DRC1: variants seen among roughly 807,000 people sequenced by gnomAD.
DRC1 encodes dynein regulatory complex protein 1.
In DRC1, 74 loss-of-function variants were observed where a neutral mutation model predicts 98.7. The observed-to-expected ratio is 0.75, with a 90% CI of 0.62 to 0.91. The LOEUF is 0.91. DRC1 is among the 40% of genes least tolerant of loss of function. The pLI is 0.00. For synonymous variants in DRC1, 336 were observed against 334.1 expected, an observed-to-expected ratio of 1.01 and a Z score of -0.06; for missense variants, 875 against 886.0, an observed-to-expected ratio of 0.99 and a Z score of 0.16.
chr2:26,429,649 C>T lies in DRC1; in HGVS notation c.562C>T (p.Gln188Ter), dbSNP rs777433897. Residue 188 changes from glutamine to a stop codon, truncating the protein, a stop_gained, in exon 5 of 17, where the codon CAG becomes TAG. Coordinates refer to ENST00000288710, the MANE Select transcript of DRC1 (RefSeq NM_145038.5). LOFTEE classifies it high-confidence loss of function. ...LQQELKTKDD[Q>*]YVKDLKKQSD... Reference sequence around the variant, plus strand: ...CTAGGAGTTAAAAACAAAGGATGACCAGTATGTGAAGGATTTGAAGAAACA... The same window carrying T: ...CTAGGAGTTAAAAACAAAGGATGACTAGTATGTGAAGGATTTGAAGAAACA... 3.7e-6 allele frequency: 6 copies of T among 1,613,948 alleles called. No homozygotes were observed. Among genetic ancestry groups the T allele is most frequent in the Non-Finnish European group, 5.1e-6 (6 of 1,179,972 alleles).
At chr2:26,446,542 A>C (rs1465205856) in intron 10 of DRC1, among the ~76,000 whole-genome samples, 1 of 152,104 alleles carries the variant, frequency 6.6e-6, no homozygotes, top group African/African-American at 2.4e-5. Context: ...ATACCTCCTC[A>C]TCAACAGGAT....
At chr2:26,456,313 G>A (rs1664169615) in intron 16 of DRC1, 148 bp from the exon 17 acceptor site, 1 of 933,236 alleles carries the variant, frequency 1.1e-6, no homozygotes, top group South Asian at 1.6e-5. Flanking sequence ...CAGGGAGGCA[G>A]TCTGTGGGTG....
rs186982230 is a variant in DRC1 at position 26,414,254 on chromosome 2, G to A, written c.156-90G>A. On this transcript the variant is annotated intron_variant, in intron 1 of 16. Transcript: ENST00000288710. The stretch of plus-strand genomic sequence containing the variant: ...GGTCTCCCAAACTGTTGGGATTACA[G>A]GCATGAGCTACTGTGCCAGGCCAAA... 6.3e-4 allele frequency: 840 copies of A among 1,326,676 alleles called. 4 individuals carry two copies. The African/African-American group carries it at 0.011, about 18-fold the overall frequency. 82.2% of individuals were successfully genotyped at this position (1,326,676 alleles called of 1,614,324 possible).
chr2:26,419,760 A>G (rs1459411009), intron 2 of DRC1, among the ~76,000 whole-genome samples: 1 of 152,232 alleles, frequency 6.6e-6, no homozygotes, highest in African/African-American at 2.4e-5. Context: ...TAACCTAAGG[A>G]TACTCGAACT....
intron 8 of DRC1, among the ~76,000 whole-genome samples, 170 bp downstream of exon 8, chr2:26,440,687 T>G (rs1663695971): frequency 6.6e-6 from 1 of 152,132 alleles, no homozygotes; most frequent in Non-Finnish European, 1.5e-5. Flanking sequence ...AAGAAAAGAG[T>G]ACATAGCAAA....
intron 3 of DRC1, among the ~76,000 whole-genome samples, chr2:26,423,121 C>T (rs1267122497): frequency 2.6e-5 from 4 of 151,946 alleles, no homozygotes; most frequent in Admixed American, 6.6e-5. Flanking sequence ...GGAATGGAGT[C>T]GGCAGATTCC....
At chr2:26,437,641 T>G (rs1323710880) in intron 7 of DRC1, among the ~76,000 whole-genome samples, 1 of 152,158 alleles carries the variant, frequency 6.6e-6, no homozygotes, top group Non-Finnish European at 1.5e-5. Flanking sequence ...TAAATTTCCC[T>G]AAGAGTTGTA....
At chr2:26,430,956 A>G (rs929455389) in intron 6 of DRC1, 84 bp downstream of exon 6, 2 of 572,478 alleles carry the variant, frequency 3.5e-6, no homozygotes, top group Admixed American at 5.2e-5. Context: ...GCCTTTTTCT[A>G]TCTTTTTTTT....
rs375365371 is a variant in DRC1 at position 26,450,584 on chromosome 2, C to T, written c.1600-8C>T. ...GTGTTTGAGCAACCATCCTGTTTTT[C>T]GCCCCAGGCCCTTGGAATTGAAAGT... On this transcript the variant is annotated splice_region_variant and splice_polypyrimidine_tract_variant and intron_variant, in intron 12 of 16. Transcript: ENST00000288710. 38 of 1,605,684 alleles carry T rather than the reference C, an allele frequency of 2.4e-5. No individual in the cohort carries two copies. Among genetic ancestry groups the T allele is most frequent in the African/African-American group, 4.0e-5 (3 of 74,458 alleles).
intron 2 of DRC1, among the ~76,000 whole-genome samples, chr2:26,419,884 C>T (rs184199020): frequency 1.3e-5 from 2 of 152,314 alleles, no homozygotes; most frequent in East Asian, 1.9e-4. Context: ...ATTACAAAAT[C>T]CCTGAGCCCA....
chr2:26,404,909 T>A (rs910258854), intron 1 of DRC1, among the ~76,000 whole-genome samples: 3 of 152,206 alleles, frequency 2.0e-5, no homozygotes, highest in Non-Finnish European at 4.4e-5. Context: ...TGGGTGTCAA[T>A]GGTAACTCAG....
intron 7 of DRC1, among the ~76,000 whole-genome samples, chr2:26,437,879 G>A (rs1382674682): frequency 6.6e-6 from 1 of 151,466 alleles, no homozygotes; most frequent in African/African-American, 2.4e-5. Flanking sequence ...ACCTGAGGTC[G>A]GGAGTTTGAG....
chr2:26,456,415 G>A (rs1167456405), intron 16 of DRC1, 46 bp from the exon 17 acceptor site: 3 of 1,613,084 alleles, frequency 1.9e-6, no homozygotes. Context: ...GGCAAAGAAG[G>A]AGGGCCCTGG....
At chr2:26,453,623 G>A (rs976033270) in intron 14 of DRC1, 74 bp downstream of exon 14, 1 of 1,442,168 alleles carries the variant, frequency 6.9e-7, no homozygotes, top group Non-Finnish European at 9.5e-7. Context: ...GCCAGGCAGA[G>A]CCAGTGAGTG....
chr2:26,431,018 T>C, intron 6 of DRC1, 146 bp downstream of exon 6: 1 of 705,094 alleles, frequency 1.4e-6, no homozygotes, highest in South Asian at 2.1e-5. Context: ...TGGAATGCTG[T>C]GGAGCAATCT....
In DRC1 at chr2:26,456,569, T is replaced by C; in HGVS notation, c.*52T>C. 6.2e-7 allele frequency: 1 copy of C among 1,607,866 alleles called. No homozygotes were observed. The highest frequency in any genetic ancestry group is 1.1e-5 in the South Asian group (1 of 90,742). On this transcript the variant is annotated 3_prime_UTR_variant, in exon 17 of 17. Transcript: ENST00000288710. ...AGGGCTGGCCTGATGCTGGTGTCTG[T>C]GCCGGAGCCAGCTCATATCACCCAC...
At chr2:26,456,279 A>G (rs968804409) in intron 16 of DRC1, among the ~76,000 whole-genome samples, 182 bp from the exon 17 acceptor site, 1 of 152,330 alleles carries the variant, frequency 6.6e-6, no homozygotes, top group Admixed American at 6.5e-5. Flanking sequence ...GAAGCTGAGC[A>G]AGAAGGCTCA....
chr2:26,441,568 G>T (rs1258413205), intron 8 of DRC1, among the ~76,000 whole-genome samples: 4 of 152,086 alleles, frequency 2.6e-5, no homozygotes, highest in African/African-American at 9.7e-5. Context: ...GCTTCCCAAA[G>T]AAGTGAAATA....
intron 1 of DRC1, among the ~76,000 whole-genome samples, chr2:26,411,213 A>G (rs1165075015): frequency 2.0e-5 from 3 of 152,374 alleles, no homozygotes; most frequent in East Asian, 3.9e-4. Flanking sequence ...ACACTGCTGA[A>G]CAACAGAAAT....
Sources: allele counts gnomAD v4.1 joint callset (sites outside exome capture counted in the v4.1 genomes callset), GRCh38; gene constraint gnomAD v4.1.1; transcripts MANE v1.5; gene names NCBI Gene and HGNC (gene_info 2026-07-23, HGNC 2026-07-21).